The following ANKRD22 variants were observed in gnomAD, a reference collection of about 807,000 sequenced individuals.
ANKRD22 encodes the protein ankyrin repeat domain 22, also known as ankyrin repeat domain-containing protein 22.
ANKRD22 carries 24 observed loss-of-function variants against 25.7 expected under a neutral mutation model. The observed-to-expected ratio is 0.93, with a 90% CI of 0.68 to 1.31. The LOEUF is 1.31. Among genes scored for constraint, ANKRD22 ranks in the 50% most tolerant of loss-of-function variants. The pLI, the probability that ANKRD22 is intolerant of heterozygous loss-of-function variation, is 0.00. For synonymous variants in ANKRD22, 84 were observed against 84.3 expected (o/e 1.00, Z 0.02); for missense variants, 214 against 227.1 (o/e 0.94, Z 0.37).
At chr10:88,851,221 A>C (rs998980987) in intron 1 of ANKRD22, among the ~76,000 whole-genome samples, 1 of 152,104 alleles carries the variant, frequency 6.6e-6, no homozygotes, top group Non-Finnish European at 1.5e-5. Context: ...AATCTTTTGG[A>C]TATTTAGAAA....
intron 1 of ANKRD22, among the ~76,000 whole-genome samples, chr10:88,844,595 T>A (rs868049370): frequency 4.7e-4 from 72 of 152,202 alleles, no homozygotes; most frequent in African/African-American, 1.5e-3. Context: ...AAGTAAACAT[T>A]ACAGATTTTT....
In ANKRD22 at chr10:88,828,802, T is replaced by A; in HGVS notation, c.214-136A>T. On this transcript the variant is annotated intron_variant, in intron 2 of 5. Coordinates refer to ENST00000371930, the MANE Select transcript of ANKRD22 (RefSeq NM_144590.3). ...GGCATCTTTTCCTGTGGGATACATC[T>A]GATTACTGAATGCGGCTTTCCATGG... The A allele has an allele frequency of 1.6e-6, 1 of 641,020 alleles. No homozygotes were observed. Among genetic ancestry groups the A allele is most frequent in the Non-Finnish European group, 2.7e-6 (1 of 375,678 alleles). 39.7% of individuals were successfully genotyped at this position (641,020 alleles called of 1,614,324 possible). A position where few individuals can be genotyped will look rare whatever the true frequency, so the allele number is the denominator to read the frequency against.
At chr10:88,828,428 A>C in intron 3 of ANKRD22, 131 bp downstream of exon 3, 1 of 724,322 alleles carries the variant, frequency 1.4e-6, no homozygotes, top group Non-Finnish European at 2.4e-6. Flanking sequence ...TGAACATGTC[A>C]ATTACAGAAT....
intron 1 of ANKRD22, among the ~76,000 whole-genome samples, chr10:88,840,225 A>G (rs1001185743): frequency 6.6e-6 from 1 of 152,180 alleles, no homozygotes; most frequent in Non-Finnish European, 1.5e-5. Context: ...CCCAGGCACT[A>G]AAATTTAAGA....
chr10:88,849,413 G>A (rs1312028810), intron 1 of ANKRD22, among the ~76,000 whole-genome samples: 2 of 152,120 alleles, frequency 1.3e-5, no homozygotes, highest in South Asian at 2.1e-4. Flanking sequence ...TATGGAGCAT[G>A]ACATATCTGT....
intron 4 of ANKRD22, 30 bp from the exon 5 acceptor site, chr10:88,823,408 C>CAT: frequency 6.4e-7 from 1 of 1,556,124 alleles, no homozygotes; most frequent in East Asian, 2.2e-5. Context: ...AACTTCAGCT[C>CAT]ATAAGTCGGG....
rs117613865 is a variant in ANKRD22 at position 88,831,981 on chromosome 10, G to A, written c.67C>T (p.Arg23Trp). Reference protein sequence around the residue: ...AYQNDFGQVWRWVKEDSSYAN... With the variant: ...AYQNDFGQVWWWVKEDSSYAN... The stretch of plus-strand genomic sequence containing the variant: ...TAGCTGCTGTCTTCTTTCACCCACC[G>A]CCACACTTGTCCAAAGTCATTCTGA... The change falls in exon 2 of 6, where the codon CGG (arginine) becomes TGG (tryptophan). Residue 23 changes from arginine (R) to tryptophan (W), a missense_variant. Transcript: ENST00000371930. 1.9e-3 allele frequency: 2,999 copies of A among 1,613,500 alleles called. 8 individuals carry two copies. The highest frequency in any genetic ancestry group is 2.3e-3 in the Non-Finnish European group (2,675 of 1,179,784).
chr10:88,846,700 A>AT (rs1589329490), intron 1 of ANKRD22, among the ~76,000 whole-genome samples: 2 of 152,176 alleles, frequency 1.3e-5, no homozygotes, highest in Non-Finnish European at 2.9e-5. Flanking sequence ...GCAGGTTTAC[A>AT]TTTGTGTGTG....
Position 88,831,815 on chromosome 10 carries a change from C to T in ANKRD22, c.213+20G>A, listed in dbSNP as rs756769726. ...AATTATCATGAACAATTACACTCTC[C>T]ATTCATGTCATGACCTCACCTGGTT... On this transcript the variant is annotated intron_variant, in intron 2 of 5. Coordinates refer to ENST00000371930, the MANE Select transcript of ANKRD22 (RefSeq NM_144590.3). 1.3e-6 allele frequency: 2 copies of T among 1,579,538 alleles called. No homozygotes were observed. Among genetic ancestry groups the T allele is most frequent in the South Asian group, 2.3e-5 (2 of 85,844 alleles).
chr10:88,829,033 T>C (rs1355637744), intron 2 of ANKRD22, among the ~76,000 whole-genome samples: 1 of 152,214 alleles, frequency 6.6e-6, no homozygotes, highest in Non-Finnish European at 1.5e-5. Context: ...TCATCTACCA[T>C]GTGTACGATT....
Position 88,851,684 on chromosome 10 carries a change from C to G in ANKRD22, c.-77G>C, listed in dbSNP as rs1844106482. 22 of 1,563,914 alleles carry G rather than the reference C, an allele frequency of 1.4e-5. No individual in the cohort carries two copies. Among genetic ancestry groups the G allele is most frequent in the Non-Finnish European group, 1.8e-5 (21 of 1,136,252 alleles). On this transcript the variant is annotated 5_prime_UTR_variant, in exon 1 of 6. Transcript: ENST00000371930. ...AGGTATTTCTGATGAATATCAAAAT[C>G]CTTCCTGGCTGAGAGGAAAGTCCCT... is the stretch of plus-strand genomic sequence containing the variant.
chr10:88,828,449 G>C, intron 3 of ANKRD22, 110 bp downstream of exon 3: 1 of 825,000 alleles, frequency 1.2e-6, no homozygotes. Context: ...ACAAACCAAA[G>C]GCTTTTTTTG....
chr10:88,839,226 T>G (rs1843982392), intron 1 of ANKRD22, among the ~76,000 whole-genome samples: 1 of 152,136 alleles, frequency 6.6e-6, no homozygotes, highest in East Asian at 1.9e-4. Context: ...CCCTGACCAC[T>G]CAGCCTCCCA....
Position 88,819,968 on chromosome 10 carries a change from TTA to T in ANKRD22, c.*2971_*2972del, listed in dbSNP as rs2133065400. 6.6e-6 allele frequency among the ~76,000 whole-genome samples: 1 copy of T among 152,330 alleles called. No homozygotes were observed. The highest frequency in any genetic ancestry group is 2.1e-4 in the South Asian group (1 of 4,828). On this transcript the variant is annotated 3_prime_UTR_variant, in exon 6 of 6. Transcript: ENST00000371930. ...AAGAAATACAAGGCATTACATGTTT[TTA>T]TGTGTTTTGTCATTTGATCTAGCAA... is the stretch of plus-strand genomic sequence containing the variant.
At chr10:88,829,441 T>A (rs1055712341) in intron 2 of ANKRD22, among the ~76,000 whole-genome samples, 1 of 152,174 alleles carries the variant, frequency 6.6e-6, no homozygotes, top group Non-Finnish European at 1.5e-5. Context: ...TTTTAGAAAC[T>A]AGAGAGGAAC....
At chr10:88,834,935 A>G (rs12242848) in intron 1 of ANKRD22, among the ~76,000 whole-genome samples, 1 of 151,570 alleles carries the variant, frequency 6.6e-6, no homozygotes, top group East Asian at 1.9e-4. Flanking sequence ...CCTCAAAAAA[A>G]GAAAAAAAAA....
intron 4 of ANKRD22, among the ~76,000 whole-genome samples, chr10:88,825,635 C>T (rs186115878): frequency 6.6e-6 from 1 of 152,310 alleles, no homozygotes; most frequent in African/African-American, 2.4e-5. Flanking sequence ...CCCCATTTTA[C>T]CGATGAGGAC....
chr10:88,823,811 G>C (rs1474459983), intron 4 of ANKRD22, among the ~76,000 whole-genome samples: 1 of 110,954 alleles, frequency 9.0e-6, no homozygotes, highest in Non-Finnish European at 1.6e-5. Context: ...CTGGGCGACA[G>C]AGCGAGACTC....
At chr10:88,851,340 A>C (rs1844102822) in intron 1 of ANKRD22, among the ~76,000 whole-genome samples, 1 of 152,220 alleles carries the variant, frequency 6.6e-6, no homozygotes. Context: ...AGATACTATG[A>C]AATGTGTATT....
Sources: gnomAD v4.1 joint callset for allele counts (sites outside exome capture counted in the v4.1 genomes callset) on GRCh38, gnomAD v4.1.1 for gene constraint, MANE v1.5 for transcripts, NCBI Gene and HGNC (gene_info 2026-07-23, HGNC 2026-07-21) for gene names.